Variants in RSU1 observed in about 807,000 individuals in gnomAD.
RSU1 encodes Ras suppressor protein 1.
Under a neutral mutation model 31.1 loss-of-function variants are expected in RSU1, and 26 were observed. The observed-to-expected ratio is 0.84, with a 90% CI of 0.61 to 1.16. The LOEUF is 1.16. RSU1 is among the 50% of genes most tolerant of loss of function. RSU1 has a pLI of 0.00. For synonymous variants in RSU1, 164 were observed against 136.3 expected, an observed-to-expected ratio of 1.20 and a Z score of -1.41; for missense variants, 320 against 339.1, an observed-to-expected ratio of 0.94 and a Z score of 0.44.
chr10:16,712,839 T>C (rs1000174557), intron 7 of RSU1, among the ~76,000 whole-genome samples: 5 of 152,180 alleles, frequency 3.3e-5, no homozygotes, highest in Admixed American at 3.3e-4. Context: ...TGTCCTTTCT[T>C]TTCCAGTGGT....
At chr10:16,604,975 G>A (rs1833777535) in intron 8 of RSU1, among the ~76,000 whole-genome samples, 1 of 152,210 alleles carries the variant, frequency 6.6e-6, no homozygotes, top group African/African-American at 2.4e-5. Context: ...CTAGCACTGT[G>A]GCGAGAGAGC....
intron 7 of RSU1, among the ~76,000 whole-genome samples, chr10:16,744,030 T>A (rs889608909): frequency 1.3e-5 from 2 of 151,236 alleles, no homozygotes; most frequent in African/African-American, 4.9e-5. Context: ...CTTGGAAGGC[T>A]GAGGTGCAAG....
At chr10:16,632,507 G>T (rs1834269568) in intron 8 of RSU1, among the ~76,000 whole-genome samples, 1 of 152,154 alleles carries the variant, frequency 6.6e-6, no homozygotes, top group African/African-American at 2.4e-5. Flanking sequence ...ACCAATCTGT[G>T]AGGAAAGTTA....
intron 2 of RSU1, among the ~76,000 whole-genome samples, chr10:16,792,402 T>C (rs1255511529): frequency 1.3e-5 from 2 of 152,058 alleles, no homozygotes; most frequent in Non-Finnish European, 2.9e-5. Flanking sequence ...CTGGCTAATT[T>C]TTGTATTTTT....
chr10:16,677,422 T>C (rs1835254114), intron 8 of RSU1, among the ~76,000 whole-genome samples: 1 of 152,180 alleles, frequency 6.6e-6, no homozygotes, highest in South Asian at 2.1e-4. Flanking sequence ...CACACACTAA[T>C]CTACATGAAG....
At chr10:16,720,680 G>A (rs1289464081) in intron 7 of RSU1, among the ~76,000 whole-genome samples, 2 of 152,234 alleles carry the variant, frequency 1.3e-5, no homozygotes, top group Non-Finnish European at 2.9e-5. Context: ...ACATGTGGAT[G>A]TCTTGTGTGT....
At chr10:16,745,514 G>A (rs1031028952) in intron 7 of RSU1, among the ~76,000 whole-genome samples, 3 of 152,156 alleles carry the variant, frequency 2.0e-5, no homozygotes, top group South Asian at 2.1e-4. Context: ...GGAGAAGCAA[G>A]TCACATCTTA....
chr10:16,653,237 C>T (rs1287936298), intron 8 of RSU1, among the ~76,000 whole-genome samples: 1 of 152,186 alleles, frequency 6.6e-6, no homozygotes, highest in African/African-American at 2.4e-5. Flanking sequence ...TTCTGTGTTA[C>T]AACAGGCTAT....
chr10:16,800,677 C>T (rs1267911214), intron 2 of RSU1, among the ~76,000 whole-genome samples: 3 of 152,046 alleles, frequency 2.0e-5, no homozygotes, highest in Non-Finnish European at 4.4e-5. Flanking sequence ...CTATAAAGAA[C>T]AACAAGAAGG....
intron 3 of RSU1, among the ~76,000 whole-genome samples, chr10:16,779,255 T>C (rs1476945687): frequency 6.6e-6 from 1 of 152,192 alleles, no homozygotes; most frequent in Non-Finnish European, 1.5e-5. Context: ...AGCTTGACAA[T>C]ACATTAATAT....
At chr10:16,771,508 A>C (rs1005144810) in intron 3 of RSU1, among the ~76,000 whole-genome samples, 7 of 152,214 alleles carry the variant, frequency 4.6e-5, no homozygotes, top group African/African-American at 1.4e-4. Flanking sequence ...TTCTTTCAGC[A>C]AATCATAGTT....
chr10:16,722,298 T>A (rs1836281312), intron 7 of RSU1, among the ~76,000 whole-genome samples: 1 of 152,156 alleles, frequency 6.6e-6, no homozygotes, highest in South Asian at 2.1e-4. Context: ...TTGGAACATA[T>A]CCCACACTAA....
chr10:16,623,129 C>A (rs1179490347), intron 8 of RSU1, among the ~76,000 whole-genome samples: 1 of 152,034 alleles, frequency 6.6e-6, no homozygotes, highest in Non-Finnish European at 1.5e-5. Context: ...ACTAATGAAC[C>A]CATTGACCAT....
chr10:16,697,311 A>G (rs769625972), intron 7 of RSU1, among the ~76,000 whole-genome samples: 1 of 152,196 alleles, frequency 6.6e-6, no homozygotes, highest in Non-Finnish European at 1.5e-5. Context: ...GCCCACAGAC[A>G]TCAGCATGAA....
chr10:16,651,297 TATTC>T (rs750672222), intron 8 of RSU1, among the ~76,000 whole-genome samples: 4 of 152,246 alleles, frequency 2.6e-5, no homozygotes, highest in African/African-American at 4.8e-5. Flanking sequence ...TGATGAAACT[TATTC>T]ATTTATTTTG....
At chr10:16,667,107 C>G (rs1239825180) in intron 8 of RSU1, among the ~76,000 whole-genome samples, 1 of 152,130 alleles carries the variant, frequency 6.6e-6, no homozygotes, top group Non-Finnish European at 1.5e-5. Flanking sequence ...GTCATAAAGA[C>G]TCTGGGTCTA....
chr10:16,669,972 T>C (rs1166385532), intron 8 of RSU1, among the ~76,000 whole-genome samples: 1 of 152,226 alleles, frequency 6.6e-6, no homozygotes, highest in Non-Finnish European at 1.5e-5. Context: ...TCTTACCTTA[T>C]AGACTGATTA....
At chr10:16,776,481 T>C (rs1304600739) in intron 3 of RSU1, among the ~76,000 whole-genome samples, 1 of 150,980 alleles carries the variant, frequency 6.6e-6, no homozygotes, top group Non-Finnish European at 1.5e-5. Context: ...TAATAGGAAA[T>C]AGTGTATATT....
chr10:16,772,641 G>GAAAAAAAAA (rs60460081), intron 3 of RSU1, among the ~76,000 whole-genome samples: 47 of 64,454 alleles, frequency 7.3e-4, no homozygotes, highest in Middle Eastern at 0.011. Context: ...AGTAGAATAT[G>GAAAAAAAAA]AAAAAAAAAA....
Sources: gnomAD v4.1 joint callset for allele counts (sites outside exome capture counted in the v4.1 genomes callset) on GRCh38, gnomAD v4.1.1 for gene constraint, MANE v1.5 for transcripts, NCBI Gene and HGNC (gene_info 2026-07-23, HGNC 2026-07-21) for gene names.